CNTN4: variants seen among roughly 807,000 people sequenced by gnomAD.
The protein encoded by CNTN4 is contactin-4.
In CNTN4, 77 loss-of-function variants were observed where a neutral mutation model predicts 122.5. The ratio of observed to expected loss-of-function variants is 0.63; its 90% CI spans 0.52 to 0.76. The LOEUF (loss-of-function observed/expected upper bound fraction) is 0.76. CNTN4 is among the 30% of genes least tolerant of loss of function. The pLI, the probability that CNTN4 is intolerant of heterozygous loss-of-function variation, is 0.00. For synonymous variants in CNTN4, 512 were observed against 447.0 expected (o/e 1.15, Z -1.83); for missense variants, 1,256 against 1,259.1 (o/e 1.00, Z 0.04).
intron 3 of CNTN4, among the ~76,000 whole-genome samples, chr3:2,564,245 A>C (rs1576010055): frequency 6.6e-6 from 1 of 152,214 alleles, no homozygotes; most frequent in South Asian, 2.1e-4. Flanking sequence ...ATGTTCAAGC[A>C]TTCCTTTAAT....
rs374949077 is a variant in CNTN4 at position 3,056,671 on chromosome 3, C to G, written c.*451C>G. On this transcript the variant is annotated 3_prime_UTR_variant, in exon 25 of 25. Coordinates refer to ENST00000418658, the MANE Select transcript of CNTN4 (RefSeq NM_175607.3). ...CTTGGTAAATAAATTGCAAATTACT[C>G]GTACAGTTTTACAAGGATCTCATGG... The G allele has an allele frequency of 6.2e-6, 1 of 160,848 alleles. No homozygotes were observed. The highest frequency in any genetic ancestry group is 3.2e-3 in the Middle Eastern group (1 of 308). The allele number at this position is 160,848 out of a possible 1,614,324, so 10.0% of individuals were successfully genotyped here. A position where few individuals can be genotyped will look rare whatever the true frequency, so the allele number is the denominator to read the frequency against.
At chr3:2,762,924 C>G (rs536012562) in intron 6 of CNTN4, among the ~76,000 whole-genome samples, 1 of 143,548 alleles carries the variant, frequency 7.0e-6, no homozygotes, top group African/African-American at 2.6e-5. Context: ...TTCTAATGAT[C>G]AGTGATGTCA....
At chr3:2,708,392 T>C (rs1212380319) in intron 4 of CNTN4, among the ~76,000 whole-genome samples, 1 of 152,142 alleles carries the variant, frequency 6.6e-6, no homozygotes, top group Non-Finnish European at 1.5e-5. Flanking sequence ...GAAATGATTA[T>C]AATTATCTGG....
chr3:3,025,702 A>C (rs1437732698), intron 14 of CNTN4, among the ~76,000 whole-genome samples: 2 of 152,192 alleles, frequency 1.3e-5, no homozygotes, highest in Admixed American at 6.5e-5. Flanking sequence ...ACAAACTTCA[A>C]ATCAACATGG....
intron 13 of CNTN4, among the ~76,000 whole-genome samples, chr3:2,944,134 G>GA (rs113431839): frequency 0.021 from 3,146 of 150,072 alleles, 110 homozygotes; most frequent in African/African-American, 0.072. Context: ...ATGGTTCAGA[G>GA]AAAAAATGAA....
At chr3:2,746,973 G>A (rs911038176) in intron 6 of CNTN4, among the ~76,000 whole-genome samples, 5 of 151,682 alleles carry the variant, frequency 3.3e-5, no homozygotes, top group African/African-American at 1.2e-4. Flanking sequence ...TTAATTTTTG[G>A]AAATAACCAT....
At chr3:2,481,014 T>TTTCC (rs2075976077) in intron 3 of CNTN4, among the ~76,000 whole-genome samples, 1 of 151,862 alleles carries the variant, frequency 6.6e-6, no homozygotes, top group Non-Finnish European at 1.5e-5. Context: ...TAATTCTTTC[T>TTTCC]TTCTTTCTTT....
chr3:2,412,581 G>A (rs1413751193), intron 3 of CNTN4, among the ~76,000 whole-genome samples: 1 of 152,108 alleles, frequency 6.6e-6, no homozygotes, highest in African/African-American at 2.4e-5. Context: ...TCAGATGGGT[G>A]TACCCACGTG....
At chr3:2,632,946 T>C (rs534932080) in intron 4 of CNTN4, among the ~76,000 whole-genome samples, 39 of 150,180 alleles carry the variant, frequency 2.6e-4, no homozygotes, top group Admixed American at 2.4e-3. Context: ...ATTGAAAAAT[T>C]ACAAGTAATA....
chr3:3,006,863 T>A (rs1396109404), intron 14 of CNTN4, among the ~76,000 whole-genome samples: 1 of 152,208 alleles, frequency 6.6e-6, no homozygotes, highest in African/African-American at 2.4e-5. Flanking sequence ...CTGTCAAACA[T>A]CTAAGAGCTC....
intron 2 of CNTN4, among the ~76,000 whole-genome samples, chr3:2,236,018 G>C (rs558587662): frequency 6.6e-6 from 1 of 152,248 alleles, no homozygotes; most frequent in East Asian, 1.9e-4. Context: ...CAATGGAGAA[G>C]GGTTCAGGAA....
At chr3:2,290,359 C>T (rs2042086552) in intron 2 of CNTN4, among the ~76,000 whole-genome samples, 1 of 152,156 alleles carries the variant, frequency 6.6e-6, no homozygotes, top group Non-Finnish European at 1.5e-5. Flanking sequence ...ACTTGAATAA[C>T]ACTGCACTAA....
At chr3:2,316,948 T>A (rs894287703) in intron 2 of CNTN4, among the ~76,000 whole-genome samples, 2 of 152,188 alleles carry the variant, frequency 1.3e-5, no homozygotes, top group Non-Finnish European at 2.9e-5. Flanking sequence ...TATTTCTTCC[T>A]CTAATTTCCC....
intron 2 of CNTN4, among the ~76,000 whole-genome samples, chr3:2,293,840 G>A (rs1214514148): frequency 6.6e-6 from 1 of 151,906 alleles, no homozygotes; most frequent in African/African-American, 2.4e-5. Context: ...TTGGTATTGG[G>A]TTTGTGTCAA....
chr3:2,794,522 A>G (rs142609399), intron 6 of CNTN4, among the ~76,000 whole-genome samples: 48 of 152,340 alleles, frequency 3.2e-4, no homozygotes, highest in African/African-American at 1.1e-3. Context: ...AACATAGCAT[A>G]AGACAGTGGA....
At chr3:2,783,816 G>C (rs1043373725) in intron 6 of CNTN4, among the ~76,000 whole-genome samples, 2 of 152,200 alleles carry the variant, frequency 1.3e-5, no homozygotes, top group Non-Finnish European at 2.9e-5. Flanking sequence ...AATTGCTGCT[G>C]TTCCTAATCC....
intron 6 of CNTN4, among the ~76,000 whole-genome samples, chr3:2,758,400 A>G (rs1390034907): frequency 2.0e-5 from 3 of 152,200 alleles, no homozygotes; most frequent in African/African-American, 7.2e-5. Flanking sequence ...AAACAAAGAA[A>G]TAGAATATTC....
intron 3 of CNTN4, among the ~76,000 whole-genome samples, chr3:2,477,738 T>C (rs535908526): frequency 3.2e-4 from 49 of 152,210 alleles, no homozygotes; most frequent in Non-Finnish European, 5.3e-4. Context: ...AATACCAAGA[T>C]TGGTTTATTT....
At chr3:2,241,608 A>G (rs952290972) in intron 2 of CNTN4, among the ~76,000 whole-genome samples, 8 of 152,008 alleles carry the variant, frequency 5.3e-5, no homozygotes, top group Non-Finnish European at 1.0e-4. Context: ...AGAACTCTTT[A>G]CTCAAGGTCA....
Sources: gnomAD v4.1 joint callset for allele counts (sites outside exome capture counted in the v4.1 genomes callset) on GRCh38, gnomAD v4.1.1 for gene constraint, MANE v1.5 for transcripts, NCBI Gene and HGNC (gene_info 2026-07-23, HGNC 2026-07-21) for gene names.